NPAS3: variants seen among roughly 807,000 people sequenced by gnomAD.
NPAS3 encodes the protein neuronal PAS domain-containing protein 3.
A neutral mutation model predicts 73.1 loss-of-function variants in NPAS3; 14 were observed. The observed-to-expected ratio is 0.19, with a 90% CI of 0.13 to 0.30. The LOEUF (loss-of-function observed/expected upper bound fraction) is 0.30. Ranked by LOEUF, NPAS3 falls within the 10% of genes least tolerant of loss-of-function variation. NPAS3 has a pLI of 1.00. For synonymous variants in NPAS3, 620 were observed against 541.5 expected (o/e 1.14, Z -2.01); for missense variants, 1,096 against 1,250.0 (o/e 0.88, Z 1.86).
chr14:33,218,040 T>G (rs1171804147), intron 3 of NPAS3, among the ~76,000 whole-genome samples: 1 of 152,174 alleles, frequency 6.6e-6, no homozygotes, highest in Non-Finnish European at 1.5e-5. Context: ...CTTCTTAGTA[T>G]GATTAAGATG....
intron 4 of NPAS3, among the ~76,000 whole-genome samples, chr14:33,545,933 A>G (rs2054822096): frequency 6.6e-6 from 1 of 152,174 alleles, no homozygotes; most frequent in Non-Finnish European, 1.5e-5. Context: ...AAGCCACAGA[A>G]TGTGCTCCTT....
intron 6 of NPAS3, among the ~76,000 whole-genome samples, chr14:33,691,794 T>C (rs1238602195): frequency 1.3e-5 from 2 of 152,218 alleles, no homozygotes; most frequent in Non-Finnish European, 1.5e-5. Flanking sequence ...CTTGGGGTTG[T>C]TGAATGCTTC....
chr14:33,749,571 C>T (rs1011513854), intron 7 of NPAS3, among the ~76,000 whole-genome samples: 1 of 152,136 alleles, frequency 6.6e-6, no homozygotes, highest in African/African-American at 2.4e-5. Context: ...TGAAGTGTGT[C>T]TTTTCTTTAT....
At chr14:33,244,062 A>C (rs1157612011) in intron 3 of NPAS3, among the ~76,000 whole-genome samples, 3 of 151,948 alleles carry the variant, frequency 2.0e-5, no homozygotes, top group Non-Finnish European at 4.4e-5. Flanking sequence ...GATTTCCTAT[A>C]CATGTTGGGT....
intron 2 of NPAS3, among the ~76,000 whole-genome samples, chr14:33,103,893 G>A (rs944045314): frequency 2.6e-5 from 4 of 152,126 alleles, no homozygotes; most frequent in African/African-American, 7.2e-5. Flanking sequence ...AAAGCACTGG[G>A]TAGGTAGCTC....
At chr14:33,400,468 C>T (rs2047399753) in intron 4 of NPAS3, among the ~76,000 whole-genome samples, 1 of 152,098 alleles carries the variant, frequency 6.6e-6, no homozygotes, top group Non-Finnish European at 1.5e-5. Context: ...TTTAAAATCT[C>T]AATTCTCACA....
At chr14:33,062,450 C>A (rs950109731) in intron 2 of NPAS3, among the ~76,000 whole-genome samples, 1 of 152,154 alleles carries the variant, frequency 6.6e-6, no homozygotes, top group Non-Finnish European at 1.5e-5. Flanking sequence ...GAGGTGCCCA[C>A]CTCTGCCTTT....
intron 5 of NPAS3, among the ~76,000 whole-genome samples, chr14:33,599,665 G>A (rs1005667727): frequency 5.9e-5 from 9 of 152,150 alleles, no homozygotes; most frequent in Non-Finnish European, 1.2e-4. Flanking sequence ...GGATATTAGC[G>A]TGAAGTCAAT....
intron 7 of NPAS3, among the ~76,000 whole-genome samples, chr14:33,762,714 A>C (rs912167761): frequency 1.3e-5 from 2 of 152,202 alleles, no homozygotes; most frequent in African/African-American, 4.8e-5. Flanking sequence ...AACTGCTAGA[A>C]GCTTGTTAAG....
chr14:33,784,656 C>T (rs1003652104), intron 9 of NPAS3, among the ~76,000 whole-genome samples: 6 of 151,778 alleles, frequency 4.0e-5, no homozygotes, highest in African/African-American at 1.2e-4. Context: ...ATAAAATTCT[C>T]ACATGGATTC....
At chr14:33,642,666 T>G (rs2058705509) in intron 5 of NPAS3, among the ~76,000 whole-genome samples, 1 of 152,212 alleles carries the variant, frequency 6.6e-6, no homozygotes, top group Non-Finnish European at 1.5e-5. Context: ...AAAGAAAAAC[T>G]GCATTGTGCC....
intron 2 of NPAS3, among the ~76,000 whole-genome samples, chr14:33,171,576 C>A (rs759007401): frequency 6.6e-6 from 1 of 152,202 alleles, no homozygotes; most frequent in Non-Finnish European, 1.5e-5. Context: ...TAGAACTGAA[C>A]AGAGTTAGGG....
At chr14:33,658,874 C>T (rs183340325) in intron 5 of NPAS3, among the ~76,000 whole-genome samples, 6 of 152,094 alleles carry the variant, frequency 3.9e-5, no homozygotes, top group Non-Finnish European at 5.9e-5. Context: ...CTATGCCGTA[C>T]GTTTGATTCT....
chr14:33,071,224 T>A (rs1424675376), intron 2 of NPAS3, among the ~76,000 whole-genome samples: 2 of 152,180 alleles, frequency 1.3e-5, no homozygotes, highest in Non-Finnish European at 2.9e-5. Context: ...AACCATCAAA[T>A]AATATGCATG....
intron 3 of NPAS3, among the ~76,000 whole-genome samples, chr14:33,342,208 C>T (rs573968476): frequency 2.0e-5 from 3 of 152,204 alleles, no homozygotes; most frequent in Admixed American, 2.0e-4. Context: ...TTGTGGAAGC[C>T]CTCTGTGTGT....
intron 2 of NPAS3, among the ~76,000 whole-genome samples, chr14:33,182,378 T>C (rs1051312823): frequency 2.6e-5 from 4 of 152,228 alleles, no homozygotes; most frequent in Admixed American, 1.3e-4. Context: ...CTATTGTATT[T>C]CTTCAGTTAT....
intron 5 of NPAS3, among the ~76,000 whole-genome samples, chr14:33,628,575 G>A (rs2058287033): frequency 6.6e-6 from 1 of 152,208 alleles, no homozygotes; most frequent in South Asian, 2.1e-4. Context: ...TCCATTAGTT[G>A]CATATCATCT....
intron 5 of NPAS3, among the ~76,000 whole-genome samples, chr14:33,586,437 A>G (rs1258635172): frequency 6.6e-6 from 1 of 152,108 alleles, no homozygotes; most frequent in Admixed American, 6.6e-5. Flanking sequence ...GAATATAATA[A>G]CTGAAAGATA....
At chr14:33,010,027 AT>A (rs2039135732) in intron 1 of NPAS3, among the ~76,000 whole-genome samples, 1 of 152,198 alleles carries the variant, frequency 6.6e-6, no homozygotes, top group Admixed American at 6.5e-5. Flanking sequence ...TACTGTGTGG[AT>A]TGGATGAGAC....
Sources: allele counts gnomAD v4.1 joint callset (sites outside exome capture counted in the v4.1 genomes callset), GRCh38; gene constraint gnomAD v4.1.1; transcripts MANE v1.5; gene names NCBI Gene and HGNC (gene_info 2026-07-23, HGNC 2026-07-21).